TECPR1: variants seen among roughly 807,000 people sequenced by gnomAD.
TECPR1 encodes tectonin beta-propeller repeat containing 1.
TECPR1 carries 122 observed loss-of-function variants against 162.4 expected under a neutral mutation model. The ratio of observed to expected loss-of-function variants is 0.75; its 90% CI spans 0.65 to 0.87. TECPR1 has a LOEUF of 0.87. Among genes scored for constraint, TECPR1 ranks in the 40% least tolerant of loss-of-function variants. TECPR1 has a pLI of 0.00. For synonymous variants in TECPR1, 642 were observed against 670.6 expected (o/e 0.96, Z 0.66); for missense variants, 1,432 against 1,618.2 (o/e 0.88, Z 1.97).
intron 9 of TECPR1, among the ~76,000 whole-genome samples, chr7:98,237,805 G>C (rs1417250808): frequency 1.3e-5 from 2 of 152,082 alleles, no homozygotes; most frequent in African/African-American, 4.8e-5. Context: ...ATCTCACTCT[G>C]TCACCCAGGC....
intron 6 of TECPR1, among the ~76,000 whole-genome samples, chr7:98,242,014 T>C (rs1584352944): frequency 6.6e-6 from 1 of 152,150 alleles, no homozygotes; most frequent in African/African-American, 2.4e-5. Flanking sequence ...CCCCTCTCTC[T>C]CTTTGCATCC....
chr7:98,217,608 C>G, intron 25 of TECPR1, 84 bp downstream of exon 25: 1 of 1,524,508 alleles, frequency 6.6e-7, no homozygotes, highest in Non-Finnish European at 8.8e-7. Flanking sequence ...TCCCAGGGGA[C>G]AGTCCCACAG....
rs1161493117 is a variant in TECPR1, at chr7:98,243,594, TGAAG to T, written c.532-6_532-3del. Reference sequence around the variant, plus strand: ...CTTGGGGTCATCCTTCGAGGGGATCTGAAGGAAGGAAGTGAGAAATGGTAGCAGT... The same window carrying T: ...CTTGGGGTCATCCTTCGAGGGGATCTGAAGGAAGTGAGAAATGGTAGCAGT... On this transcript the variant is annotated splice_polypyrimidine_tract_variant and splice_region_variant and intron_variant, in intron 5 of 25. Transcript: ENST00000447648. The T allele has an allele frequency of 2.5e-6, 4 of 1,611,250 alleles. No individual in the cohort carries two copies. Among genetic ancestry groups the T allele is most frequent in the Middle Eastern group, 1.7e-4 (1 of 6,050 alleles).
intron 15 of TECPR1, among the ~76,000 whole-genome samples, chr7:98,230,360 C>A (rs1370352262): frequency 6.6e-6 from 1 of 152,084 alleles, no homozygotes; most frequent in Non-Finnish European, 1.5e-5. Context: ...GGCTTGTGCG[C>A]CCAGCCCTGC....
At chr7:98,240,541 G>A (rs1324120152) in intron 8 of TECPR1, among the ~76,000 whole-genome samples, 1 of 151,808 alleles carries the variant, frequency 6.6e-6, no homozygotes, top group Admixed American at 6.6e-5. Context: ...TGCCTCCCAA[G>A]TAGCTAGGAT....
At position 98,223,718 on chromosome 7, in the gene TECPR1, G is replaced by T; in HGVS notation, c.2691C>A (p.Ala897=). ...EGWQYASDFP[A]SYHGSKTMKD... is the part of the protein sequence containing the mutation. ...TCATCGTTTTGGACCCATGGTATGAGCTGCAAGGAGGAAGAAGATGAAATC... is the reference window on the plus strand; with the variant it reads ...TCATCGTTTTGGACCCATGGTATGATCTGCAAGGAGGAAGAAGATGAAATC... The change falls in exon 20 of 26, where the codon GCC becomes GCA. Residue 897 remains alanine, a splice_region_variant and synonymous_variant. Transcript: ENST00000447648. 1.2e-6 allele frequency: 2 copies of T among 1,613,748 alleles called. No individual in the cohort carries two copies. The highest frequency in any genetic ancestry group is 1.7e-6 in the Non-Finnish European group (2 of 1,179,776).
At chr7:98,223,542 C>T in intron 20 of TECPR1, 120 bp downstream of exon 20, 2 of 1,055,928 alleles carry the variant, frequency 1.9e-6, no homozygotes, top group Non-Finnish European at 1.4e-6. Context: ...ACTGCTTCTT[C>T]CCTTGGGACT....
At chr7:98,219,073 G>T (rs1256851160) in intron 23 of TECPR1, among the ~76,000 whole-genome samples, 1 of 152,096 alleles carries the variant, frequency 6.6e-6, no homozygotes. Context: ...AGAGAACCAA[G>T]AAATAAAGCC....
At chr7:98,233,950 G>A (rs1265692012) in intron 10 of TECPR1, 39 bp from the exon 11 acceptor site, 5 of 1,475,918 alleles carry the variant, frequency 3.4e-6, no homozygotes, top group Middle Eastern at 1.8e-4. Flanking sequence ...CTCCCTTGCA[G>A]GGGAACAGGC....
At chr7:98,229,910 G>A (rs1798377453) in intron 15 of TECPR1, among the ~76,000 whole-genome samples, 1 of 151,792 alleles carries the variant, frequency 6.6e-6, no homozygotes, top group African/African-American at 2.4e-5. Flanking sequence ...CAGAATCATA[G>A]CCCCCATGTC....
chr7:98,244,656 G>A lies in TECPR1; in HGVS notation c.446C>T (p.Thr149Met), dbSNP rs564868627. 14 of 1,612,830 alleles carry A rather than the reference G, an allele frequency of 8.7e-6. No individual in the cohort carries two copies. Among genetic ancestry groups the A allele is most frequent in the East Asian group, 2.2e-5 (1 of 44,848 alleles). ...ACAAGAATTCCACTTCTTGTCTTTC[G>A]TGTAGGTGGCGGGAAAGTCGATGGC... The part of the protein sequence containing the change: ...TYAIDFPATY[T>M]KDKKWNSCVR... The change falls in exon 5 of 26, where the codon ACG (threonine) becomes ATG (methionine). Residue 149 changes from threonine (T) to methionine (M), a missense_variant. Thr to Met is a moderately conservative substitution (Grantham distance 81, BLOSUM62 -1). Coordinates refer to ENST00000447648, the MANE Select transcript of TECPR1 (RefSeq NM_015395.3).
Position 98,232,204 on chromosome 7 carries a change from C to T in TECPR1, c.1819-245G>A, listed in dbSNP as rs969881668. 6.6e-6 allele frequency among the ~76,000 whole-genome samples: 1 copy of T among 152,160 alleles called. No homozygotes were observed. Among genetic ancestry groups the T allele is most frequent in the Non-Finnish European group, 1.5e-5 (1 of 68,028 alleles). ...CTCTCTCAAACAGCCAGAGTGGGCA[C>T]TGCCATCCCGCCTTCTGCATGGGGA... On this transcript the variant is annotated intron_variant, in intron 12 of 25. Transcript: ENST00000447648. The surrounding 1 kb of genome is among the most constrained non-coding windows in gnomAD (Gnocchi z 4.6).
chr7:98,246,826 A>G (rs941267813), intron 2 of TECPR1, among the ~76,000 whole-genome samples: 2 of 150,164 alleles, frequency 1.3e-5, no homozygotes, highest in African/African-American at 4.9e-5. Context: ...CAGGTGATCC[A>G]CCTGCCTCTG....
chr7:98,240,671 T>G (rs540341949), intron 8 of TECPR1, among the ~76,000 whole-genome samples, 180 bp downstream of exon 8: 16 of 152,120 alleles, frequency 1.1e-4, no homozygotes, highest in African/African-American at 3.6e-4. Context: ...CACCTAGGCC[T>G]CCCGATGTGC....
chr7:98,245,504 G>T (rs1457150596), intron 3 of TECPR1, among the ~76,000 whole-genome samples: 1 of 152,178 alleles, frequency 6.6e-6, no homozygotes, highest in African/African-American at 2.4e-5. Flanking sequence ...ACAGGGTCTT[G>T]CTCTGTTGCC....
At chr7:98,230,610 G>A (rs572164587) in intron 15 of TECPR1, among the ~76,000 whole-genome samples, 125 of 152,304 alleles carry the variant, frequency 8.2e-4, no homozygotes, top group African/African-American at 2.5e-3. Context: ...GCTGAGCACC[G>A]GGTCTGTGCC....
At position 98,243,392 on chromosome 7, in the gene TECPR1, C is replaced by A; in HGVS notation, c.657+75G>T. The A allele has an allele frequency of 1.3e-6, 2 of 1,579,966 alleles. 1 individual carries two copies. The highest frequency in any genetic ancestry group is 1.7e-6 in the Non-Finnish European group (2 of 1,162,250). ...CGGGGCTCCGGGGAGGAGCAAGACC[C>A]AGGGGGTGCACAGGACAGGACCCAC... On this transcript the variant is annotated intron_variant, in intron 6 of 25. Transcript: ENST00000447648.
At position 98,232,028 on chromosome 7, in the gene TECPR1, G is replaced by T; in HGVS notation, c.1819-69C>A. 6.6e-7 allele frequency: 1 copy of T among 1,513,302 alleles called. No homozygotes were observed. The allele number at this position is 1,513,302 out of a possible 1,614,324, so 93.7% of individuals were successfully genotyped here. Reference sequence around the variant, plus strand: ...GGTGCCAGGGGAGGAGGGCGGGGCTGGGGGTGCCCAGAGGAGGAGGCAGGG... The same window carrying T: ...GGTGCCAGGGGAGGAGGGCGGGGCTTGGGGTGCCCAGAGGAGGAGGCAGGG... On this transcript the variant is annotated intron_variant, in intron 12 of 25. Coordinates refer to ENST00000447648, the MANE Select transcript of TECPR1 (RefSeq NM_015395.3). This position sits in a 1 kb window ranked among gnomAD's most constrained non-coding sequence, Gnocchi z 4.6.
intron 23 of TECPR1, among the ~76,000 whole-genome samples, chr7:98,219,821 A>G (rs1798099874): frequency 6.6e-6 from 1 of 152,058 alleles, no homozygotes; most frequent in Non-Finnish European, 1.5e-5. Flanking sequence ...GAATCGCTTG[A>G]ACCTGGGAGG....
Sources: allele counts gnomAD v4.1 joint callset (sites outside exome capture counted in the v4.1 genomes callset), GRCh38; gene constraint gnomAD v4.1.1; non-coding constraint Gnocchi (gnomAD v3.1); transcripts MANE v1.5; gene names NCBI Gene and HGNC (gene_info 2026-07-23, HGNC 2026-07-21).